The following PYGB variants were observed in gnomAD, a reference collection of about 807,000 sequenced individuals.
The protein encoded by PYGB is glycogen phosphorylase, brain form.
Under a neutral mutation model 94.3 loss-of-function variants are expected in PYGB, and 82 were observed. The ratio of observed to expected loss-of-function variants is 0.87; its 90% CI spans 0.73 to 1.04. PYGB has a LOEUF of 1.04. PYGB is among the 50% of genes least tolerant of loss of function. The pLI is 0.00. For synonymous variants in PYGB, 488 were observed against 479.1 expected, an observed-to-expected ratio of 1.02 and a Z score of -0.24; for missense variants, 1,132 against 1,158.2, an observed-to-expected ratio of 0.98 and a Z score of 0.33.
At chr20:25,283,064 G>C in intron 12 of PYGB, 112 bp from the exon 13 acceptor site, 1 of 893,664 alleles carries the variant, frequency 1.1e-6, no homozygotes, top group Non-Finnish European at 1.8e-6. Context: ...CGGACAAGCA[G>C]ATCCCAGGGG....
chr20:25,289,849 G>A (rs764146018), intron 15 of PYGB: 10 of 533,356 alleles, frequency 1.9e-5, no homozygotes, highest in Admixed American at 7.8e-5. Flanking sequence ...GGAGTAGACT[G>A]AAACATCACC....
chr20:25,289,968 G>A, intron 15 of PYGB: 2 of 533,086 alleles, frequency 3.8e-6, no homozygotes, highest in Non-Finnish European at 3.9e-6. Context: ...TCTTTGTAAA[G>A]TAACAGACAT....
At chr20:25,283,092 A>C in intron 12 of PYGB, 84 bp from the exon 13 acceptor site, 2 of 1,167,380 alleles carry the variant, frequency 1.7e-6, no homozygotes, top group East Asian at 2.4e-5. Flanking sequence ...GGGCGTGGGC[A>C]ACAATGGGAG....
chr20:25,271,462 C>T lies in PYGB; in HGVS notation c.504C>T (p.Asn168=). 1 of 1,613,956 alleles carries T rather than the reference C, an allele frequency of 6.2e-7. No homozygotes were observed. The highest frequency in any genetic ancestry group is 8.5e-7 in the Non-Finnish European group (1 of 1,179,824). Residue 168 remains asparagine, a synonymous_variant, in exon 4 of 20, where the codon AAC becomes AAT. Coordinates refer to ENST00000216962, the MANE Select transcript of PYGB (RefSeq NM_002862.4). ...YGIRYEFGIF[N]QKIVNGWQVE... The stretch of plus-strand genomic sequence containing the variant: ...TCCGCTATGAATTTGGGATTTTTAA[C>T]CAGAAGATTGTCAATGGCTGGCAGG...
chr20:25,282,891 C>T (rs2088381467), intron 12 of PYGB, among the ~76,000 whole-genome samples: 1 of 152,236 alleles, frequency 6.6e-6, no homozygotes, highest in Admixed American at 6.5e-5. Flanking sequence ...ATGGGATGTT[C>T]AATGTCAGAG....
chr20:25,290,098 C>A (rs2474776), intron 15 of PYGB, among the ~76,000 whole-genome samples: 1 of 152,172 alleles, frequency 6.6e-6, no homozygotes, highest in East Asian at 1.9e-4. Flanking sequence ...GTTGTCTGTC[C>A]GCCGTAGCCT....
At chr20:25,250,763 C>T (rs973707296) in intron 1 of PYGB, among the ~76,000 whole-genome samples, 3 of 152,144 alleles carry the variant, frequency 2.0e-5, no homozygotes, top group African/African-American at 7.2e-5. Flanking sequence ...CACTCTAGAG[C>T]TCCTAAATAG....
rs376818486 is a variant in PYGB, at chr20:25,293,234, C to T, written c.2177+621C>T. ...GCTTCATCCACCTTATCCCCGCGCC[C>T]CTCCGTTGGCTGCACTGAGCTCAGA... is the stretch of plus-strand genomic sequence containing the variant. On this transcript the variant is annotated intron_variant, in intron 17 of 19. Coordinates refer to ENST00000216962, the MANE Select transcript of PYGB (RefSeq NM_002862.4). Among the ~76,000 whole-genome samples, 8 of 152,018 alleles carry T rather than the reference C, an allele frequency of 5.3e-5. No individual in the cohort carries two copies. In the East Asian group the frequency reaches 1.4e-3, roughly 26 times the overall value.
chr20:25,270,932 T>C (rs553023981), intron 3 of PYGB, among the ~76,000 whole-genome samples: 61 of 152,324 alleles, frequency 4.0e-4, no homozygotes, highest in Non-Finnish European at 6.5e-4. Flanking sequence ...AGGTGGACAT[T>C]GATTTGTATG....
chr20:25,284,835 T>C (rs2088403340), intron 14 of PYGB: 2 of 152,322 alleles, frequency 1.3e-5, no homozygotes. Flanking sequence ...TAAGATAGTA[T>C]GTGTTAAATT....
rs1568689068 is a variant in PYGB, at chr20:25,271,262, G to C, written c.425-121G>C. The C allele has an allele frequency of 1.6e-5, 14 of 883,782 alleles. No individual in the cohort carries two copies. The South Asian group carries it at 1.8e-4, about 11-fold the overall frequency. 54.7% of individuals were successfully genotyped at this position (883,782 alleles called of 1,614,324 possible). ...GCTGAGGGCTCCAGTTTTCCTCTCA[G>C]TGAAGCCTGAAGTCAGTGTGATCCC... On this transcript the variant is annotated intron_variant, in intron 3 of 19. Coordinates refer to ENST00000216962, the MANE Select transcript of PYGB (RefSeq NM_002862.4).
At chr20:25,261,742 G>A (rs1455822151) in intron 2 of PYGB, among the ~76,000 whole-genome samples, 1 of 152,186 alleles carries the variant, frequency 6.6e-6, no homozygotes, top group Non-Finnish European at 1.5e-5. Flanking sequence ...AAAAAGATTA[G>A]ACGAATGGCT....
rs201804530 is a variant in PYGB, at chr20:25,279,074, C to T, written c.1017C>T (p.Asn339=). Residue 339 remains asparagine, a synonymous_variant, in exon 9 of 20, where the codon AAC becomes AAT. Coordinates refer to ENST00000216962, the MANE Select transcript of PYGB (RefSeq NM_002862.4). ...ACCTTCAGGTGGCCATCCAGCTGAA[C>T]GACACCCACCCCGCCCTCTCCATCC... The part of the protein sequence containing the change: ...TFPDKVAIQL[N]DTHPALSIPE... 3.2e-5 allele frequency: 51 copies of T among 1,612,822 alleles called. No homozygotes were observed. The highest frequency in any genetic ancestry group is 2.1e-4 in the African/African-American group (16 of 74,910).
chr20:25,294,512 C>G (rs1309619875), intron 18 of PYGB, among the ~76,000 whole-genome samples: 1 of 152,244 alleles, frequency 6.6e-6, no homozygotes, highest in Non-Finnish European at 1.5e-5. Flanking sequence ...CAGCGAGACA[C>G]AGCAGCACAG....
intron 2 of PYGB, among the ~76,000 whole-genome samples, chr20:25,268,853 A>G (rs1006420767): frequency 2.0e-5 from 3 of 152,246 alleles, no homozygotes; most frequent in Non-Finnish European, 4.4e-5. Context: ...GAAATTAGAG[A>G]ATGACAGAAC....
intron 1 of PYGB, among the ~76,000 whole-genome samples, chr20:25,255,105 A>G (rs2092899491): frequency 6.6e-6 from 1 of 152,214 alleles, no homozygotes; most frequent in Non-Finnish European, 1.5e-5. Context: ...GTGACATCAC[A>G]GGCTGGGAGC....
At chr20:25,266,776 A>G (rs1287065436) in intron 2 of PYGB, among the ~76,000 whole-genome samples, 1 of 152,224 alleles carries the variant, frequency 6.6e-6, no homozygotes, top group Non-Finnish European at 1.5e-5. Flanking sequence ...GTGATTAGCT[A>G]TGAGGGAAAT....
At chr20:25,295,788 G>A in intron 19 of PYGB, 118 bp downstream of exon 19, 1 of 1,159,280 alleles carries the variant, frequency 8.6e-7, no homozygotes, top group Non-Finnish European at 1.3e-6. Context: ...AGAGGGGTTT[G>A]TGATTCTGAT....
Position 25,270,206 on chromosome 20 carries a change from GT to G in PYGB, c.424+1013del, listed in dbSNP as rs1166786019. On this transcript the variant is annotated intron_variant, in intron 3 of 19. Coordinates refer to ENST00000216962, the MANE Select transcript of PYGB (RefSeq NM_002862.4). ...CCTGAAGTTTTTTTTGTTTTGTTTT[GT>G]TTTTTTTTTTTTTGAGATGGAGTCT... Among the ~76,000 whole-genome samples, 62 of 111,904 alleles carry G rather than the reference GT, an allele frequency of 5.5e-4. 1 individual carries two copies. The highest frequency in any genetic ancestry group is 4.4e-3 in the Middle Eastern group (1 of 228). The allele number at this position is 111,904 out of a possible 152,430, so 73.4% of individuals were successfully genotyped here. A position where few individuals can be genotyped will look rare whatever the true frequency, so the allele number is the denominator to read the frequency against.
Sources: gnomAD v4.1 joint callset for allele counts (sites outside exome capture counted in the v4.1 genomes callset) on GRCh38, gnomAD v4.1.1 for gene constraint, MANE v1.5 for transcripts, NCBI Gene and HGNC (gene_info 2026-07-23, HGNC 2026-07-21) for gene names.